EMID1: variants seen among roughly 807,000 people sequenced by gnomAD.
The protein encoded by EMID1 is EMI domain-containing protein 1.
Under a neutral mutation model 60.6 loss-of-function variants are expected in EMID1, and 40 were observed. The observed-to-expected ratio is 0.66, with a 90% confidence interval of 0.51 to 0.86. The LOEUF (loss-of-function observed/expected upper bound fraction) is 0.86. EMID1 is among the 40% of genes least tolerant of loss of function. The pLI is 0.00. For synonymous variants in EMID1, 242 were observed against 231.0 expected (o/e 1.05, Z -0.43); for missense variants, 585 against 597.1 (o/e 0.98, Z 0.21).
chr22:29,234,496 T>C (rs1473619844), intron 12 of EMID1, 147 bp downstream of exon 12: 10 of 954,116 alleles, frequency 1.0e-5, no homozygotes, highest in Non-Finnish European at 1.5e-5. Flanking sequence ...TGAGACTCAT[T>C]GTCCTCTTTG....
At position 29,233,442 on chromosome 22, in the gene EMID1, G is replaced by A; in HGVS notation, c.887G>A (p.Gly296Glu). Residue 296 changes from glycine (G) to glutamate (E), a missense_variant, in exon 9 of 15, where the codon GGG becomes GAG. Coordinates refer to ENST00000334018, the MANE Select transcript of EMID1 (RefSeq NM_133455.4). ...TNNHWPQGPT[G>E]PPGPPGPMGP... ...AACCACTGGCCCCAGGGACCCACTG[G>A]GCCTCCAGGCCCTCCAGGGCCCATG... is the stretch of plus-strand genomic sequence containing the variant. The A allele has an allele frequency of 5.0e-6, 8 of 1,614,182 alleles. No homozygotes were observed. Among genetic ancestry groups the A allele is most frequent in the Non-Finnish European group, 6.8e-6 (8 of 1,180,006 alleles).
intron 1 of EMID1, among the ~76,000 whole-genome samples, chr22:29,212,831 G>A (rs528666418): frequency 1.3e-5 from 2 of 152,280 alleles, no homozygotes; most frequent in South Asian, 2.1e-4. Flanking sequence ...TGCCAAAGTG[G>A]TGGGATTACA....
rs1441108305 is a variant in EMID1 at position 29,238,358 on chromosome 22, G to T, written c.1074+4009G>T. On this transcript the variant is annotated intron_variant, in intron 12 of 14. Transcript: ENST00000334018. ...AGCCTTGAGGCTTCTGGGCTCAAGGGATCCTCCCGCCTCCACCTCTCGAGT... is the reference window on the plus strand; with the variant it reads ...AGCCTTGAGGCTTCTGGGCTCAAGGTATCCTCCCGCCTCCACCTCTCGAGT... Among the ~76,000 whole-genome samples the T allele has an allele frequency of 5.8e-5, 8 of 138,754 alleles. 1 individual carries two copies. The allele number at this position is 138,754 out of a possible 152,430, so 91.0% of individuals were successfully genotyped here.
At chr22:29,222,506 C>T (rs1251641583) in intron 3 of EMID1, among the ~76,000 whole-genome samples, 2 of 150,078 alleles carry the variant, frequency 1.3e-5, no homozygotes, top group African/African-American at 4.9e-5. Context: ...CAGGTTCAAG[C>T]GATTCTCCTG....
intron 1 of EMID1, among the ~76,000 whole-genome samples, chr22:29,211,061 A>G (rs1476087697): frequency 6.6e-6 from 1 of 152,140 alleles, no homozygotes; most frequent in Non-Finnish European, 1.5e-5. Context: ...GCTTCAGCCT[A>G]TATGCGTCCA....
At chr22:29,235,145 C>A (rs925281550) in intron 12 of EMID1, among the ~76,000 whole-genome samples, 1 of 152,056 alleles carries the variant, frequency 6.6e-6, no homozygotes, top group African/African-American at 2.4e-5. Context: ...GTCAGAAGTT[C>A]AAGACCAGCC....
At chr22:29,258,018 C>T (rs549826710) in intron 14 of EMID1, among the ~76,000 whole-genome samples, 6 of 152,302 alleles carry the variant, frequency 3.9e-5, no homozygotes, top group East Asian at 1.9e-4. Context: ...ATGATTACGA[C>T]GGACAGCCCA....
rs779841392 is a variant in EMID1 at position 29,232,272 on chromosome 22, A to T, written c.693A>T (p.Pro231=). 1 of 1,611,432 alleles carries T rather than the reference A, an allele frequency of 6.2e-7. No homozygotes were observed. Among genetic ancestry groups the T allele is most frequent in the South Asian group, 1.1e-5 (1 of 91,016 alleles). The change falls in exon 8 of 15, where the codon CCA becomes CCT. Residue 231 remains proline (P), a synonymous_variant. Coordinates refer to ENST00000334018, the MANE Select transcript of EMID1 (RefSeq NM_133455.4). Reference sequence around the variant, plus strand: ...CCATTGCAGGTCCACAGGGCCCCCCAGGGAGCCCTGGCCGGGCTGGAGCTG... The same window carrying T: ...CCATTGCAGGTCCACAGGGCCCCCCTGGGAGCCCTGGCCGGGCTGGAGCTG... ...MRGPPGPQGP[P]GSPGRAGAVG... is the part of the protein sequence containing the mutation.
intron 1 of EMID1, among the ~76,000 whole-genome samples, chr22:29,207,025 C>T (rs551767470): frequency 6.6e-6 from 1 of 152,360 alleles, no homozygotes; most frequent in Admixed American, 6.5e-5. Flanking sequence ...CCAAGGCAGA[C>T]AATGTGGAGT....
At chr22:29,257,651 C>CAGGAGACCTGCAG (rs2041749537) in intron 14 of EMID1, among the ~76,000 whole-genome samples, 1 of 152,208 alleles carries the variant, frequency 6.6e-6, no homozygotes, top group African/African-American at 2.4e-5. Flanking sequence ...TGGGTGGAAG[C>CAGGAGACCTGCAG]GACACCAACC....
chr22:29,257,553 A>G (rs1323441375), intron 14 of EMID1, among the ~76,000 whole-genome samples: 1 of 152,128 alleles, frequency 6.6e-6, no homozygotes, highest in Non-Finnish European at 1.5e-5. Flanking sequence ...TTTGGACTGC[A>G]TCAGCAAAGG....
intron 12 of EMID1, among the ~76,000 whole-genome samples, chr22:29,242,828 G>C (rs2146371437): frequency 6.6e-6 from 1 of 152,258 alleles, no homozygotes; most frequent in Non-Finnish European, 1.5e-5. Context: ...TCATTAGAAA[G>C]CTTTAGGTGT....
intron 4 of EMID1, 149 bp from the exon 5 acceptor site, chr22:29,226,341 C>T: frequency 1.2e-6 from 1 of 803,528 alleles, no homozygotes. Context: ...CACTGTGATC[C>T]TATAGCCCTT....
At chr22:29,235,117 A>G (rs1436528844) in intron 12 of EMID1, among the ~76,000 whole-genome samples, 1 of 152,176 alleles carries the variant, frequency 6.6e-6, no homozygotes, top group South Asian at 2.1e-4. Context: ...GGGGGCTGAG[A>G]CGGGTGGATC....
chr22:29,211,345 G>T (rs752964655), intron 1 of EMID1, among the ~76,000 whole-genome samples: 1 of 152,196 alleles, frequency 6.6e-6, no homozygotes, highest in Non-Finnish European at 1.5e-5. Context: ...CTGTCTGTGT[G>T]CGTTTGTGTG....
intron 1 of EMID1, among the ~76,000 whole-genome samples, chr22:29,208,253 A>G (rs2039750857): frequency 1.3e-5 from 2 of 152,148 alleles, no homozygotes; most frequent in Admixed American, 6.5e-5. Flanking sequence ...CTTGGCAGCC[A>G]AGGGACCAGA....
rs1263270598 is a variant in EMID1, at chr22:29,215,038, A to G, written c.214A>G (p.Ser72Gly). Reference sequence around the variant, plus strand: ...CTGGCCCATGAGCTGTCCGGGGAGCAGGTAAATGAGGTGGAGAAGGAACTG... The same window carrying G: ...CTGGCCCATGAGCTGTCCGGGGAGCGGGTAAATGAGGTGGAGAAGGAACTG... ...CPWPMSCPGS[S>G]YRTVVRPTYK... Residue 72 changes from serine to glycine, a missense_variant and splice_region_variant, in exon 2 of 15, where the codon AGC (serine) becomes GGC (glycine). Ser to Gly is a moderately conservative substitution (Grantham distance 56, BLOSUM62 0). Coordinates refer to ENST00000334018, the MANE Select transcript of EMID1 (RefSeq NM_133455.4). 2.6e-6 allele frequency: 4 copies of G among 1,530,432 alleles called. No individual in the cohort carries two copies. The highest frequency in any genetic ancestry group is 3.5e-6 in the Non-Finnish European group (4 of 1,132,750). 94.8% of individuals were successfully genotyped at this position (1,530,432 alleles called of 1,614,324 possible).
chr22:29,231,070 C>T lies in EMID1; in HGVS notation c.516C>T (p.Thr172=), dbSNP rs745988136. 6.2e-7 allele frequency: 1 copy of T among 1,614,026 alleles called. No individual in the cohort carries two copies. The highest frequency in any genetic ancestry group is 1.3e-5 in the African/African-American group (1 of 75,054). The change falls in exon 6 of 15, where the codon ACC becomes ACT. Residue 172 remains threonine (T), a synonymous_variant. Transcript: ENST00000334018. ...AGCCAGTACCTCCAACACCAGCTACCCCTGAGGACCCTGCCCCGCTCTGGG... is the reference window on the plus strand; with the variant it reads ...AGCCAGTACCTCCAACACCAGCTACTCCTGAGGACCCTGCCCCGCTCTGGG... The part of the protein sequence containing the change: ...IEQPVPPTPA[T]PEDPAPLWGP...
chr22:29,251,247 A>G (rs993773672), intron 13 of EMID1, among the ~76,000 whole-genome samples: 3 of 151,202 alleles, frequency 2.0e-5, no homozygotes, highest in African/African-American at 7.3e-5. Flanking sequence ...ATGCCTGGCT[A>G]ATTTTTGTAT....
Sources: allele counts gnomAD v4.1 joint callset (sites outside exome capture counted in the v4.1 genomes callset), GRCh38; gene constraint gnomAD v4.1.1; transcripts MANE v1.5; gene names NCBI Gene and HGNC (gene_info 2026-07-23, HGNC 2026-07-21).